Variants in MSI2 observed in about 807,000 individuals in gnomAD.
MSI2 encodes the protein musashi RNA binding protein 2.
MSI2 carries 17 observed loss-of-function variants against 45.6 expected under a neutral mutation model. That is an observed-to-expected ratio of 0.37 (90% CI 0.26 to 0.56). The LOEUF is 0.56. Ranked by LOEUF, MSI2 falls within the 20% of genes least tolerant of loss-of-function variation. MSI2 has a pLI of 0.77. For missense variants in MSI2, 293 were observed against 444.2 expected (o/e 0.66, Z 3.06); for synonymous variants, 156 against 158.2 (o/e 0.99, Z 0.11).
intron 5 of MSI2, among the ~76,000 whole-genome samples, chr17:57,319,896 G>A (rs868548513): frequency 5.8e-4 from 88 of 152,092 alleles, no homozygotes; most frequent in African/African-American, 2.9e-4. Context: ...TTATAGGCAC[G>A]AGCTACTGTG....
chr17:57,624,568 GCAGT>G (rs1908618875), intron 9 of MSI2, among the ~76,000 whole-genome samples: 1 of 152,162 alleles, frequency 6.6e-6, no homozygotes, highest in East Asian at 1.9e-4. Context: ...TCCTTAGCTA[GCAGT>G]CAGTGCAGAG....
At chr17:57,566,208 G>A (rs1197163103) in intron 7 of MSI2, among the ~76,000 whole-genome samples, 2 of 152,146 alleles carry the variant, frequency 1.3e-5, no homozygotes, top group African/African-American at 2.4e-5. Flanking sequence ...TTCTCAGGGA[G>A]CAAGACCCAT....
At chr17:57,483,298 T>C (rs1235410315) in intron 6 of MSI2, among the ~76,000 whole-genome samples, 1 of 152,198 alleles carries the variant, frequency 6.6e-6, no homozygotes, top group East Asian at 1.9e-4. Flanking sequence ...ATGCTAGTTG[T>C]TTGTACACAG....
At chr17:57,362,297 T>C (rs1472426746) in intron 5 of MSI2, among the ~76,000 whole-genome samples, 3 of 152,188 alleles carry the variant, frequency 2.0e-5, no homozygotes, top group African/African-American at 7.2e-5. Flanking sequence ...TGTTCGGTAA[T>C]AGTGTTGGAT....
At chr17:57,404,640 C>G (rs2143128138) in intron 6 of MSI2, among the ~76,000 whole-genome samples, 1 of 152,210 alleles carries the variant, frequency 6.6e-6, no homozygotes, top group East Asian at 1.9e-4. Flanking sequence ...CGTCATTCCT[C>G]TCTCCTCTCC....
At chr17:57,367,731 G>A (rs1917297276) in intron 5 of MSI2, among the ~76,000 whole-genome samples, 1 of 152,198 alleles carries the variant, frequency 6.6e-6, no homozygotes, top group African/African-American at 2.4e-5. Context: ...AATGTCATGA[G>A]TGCTCATCCC....
chr17:57,679,487 C>G, intron 13 of MSI2, 62 bp from the exon 14 acceptor site: 7 of 916,272 alleles, frequency 7.6e-6, no homozygotes, highest in Non-Finnish European at 8.0e-6. Context: ...ACTTCTTTCT[C>G]CTCCCCTCTC....
chr17:57,468,254 C>T (rs1046046077), intron 6 of MSI2, among the ~76,000 whole-genome samples: 1 of 151,250 alleles, frequency 6.6e-6, no homozygotes, highest in Non-Finnish European at 1.5e-5. Context: ...CGGCCCAGTA[C>T]GATGGCTCAC....
rs577502797 is a variant in MSI2, at chr17:57,575,853, G to A, written c.455-21015G>A. Among the ~76,000 whole-genome samples the A allele has an allele frequency of 2.0e-5, 3 of 149,362 alleles. No individual in the cohort carries two copies. The South Asian group carries it at 6.3e-4, about 31-fold the overall frequency. Reference sequence around the variant, plus strand: ...CCAGCTACTCGGGAGGCTGAGGCAGGAGAATGGCGTGAATCCAGGAGGCGG... The same window carrying A: ...CCAGCTACTCGGGAGGCTGAGGCAGAAGAATGGCGTGAATCCAGGAGGCGG... On this transcript the variant is annotated intron_variant, in intron 7 of 13. Coordinates refer to ENST00000284073, the MANE Select transcript of MSI2 (RefSeq NM_138962.4).
At chr17:57,452,143 G>A (rs79950885) in intron 6 of MSI2, among the ~76,000 whole-genome samples, 2,918 of 152,318 alleles carry the variant, frequency 0.019, 90 homozygotes, top group African/African-American at 0.066. Flanking sequence ...CATGGTAAGG[G>A]TTAACCAGTT....
At chr17:57,597,028 C>T (rs1905303777) in intron 8 of MSI2, 78 bp downstream of exon 8, 1 of 1,094,914 alleles carries the variant, frequency 9.1e-7, no homozygotes, top group Admixed American at 1.7e-5. Flanking sequence ...ACTGGTCCAG[C>T]CCATCATCAG....
At chr17:57,570,242 G>A (rs2087842363) in intron 7 of MSI2, among the ~76,000 whole-genome samples, 1 of 152,192 alleles carries the variant, frequency 6.6e-6, no homozygotes, top group Non-Finnish European at 1.5e-5. Flanking sequence ...CCCCACCTCA[G>A]ACCAAGTAAA....
chr17:57,412,905 C>G (rs1164430386), intron 6 of MSI2, among the ~76,000 whole-genome samples: 1 of 152,220 alleles, frequency 6.6e-6, no homozygotes, highest in Non-Finnish European at 1.5e-5. Context: ...TTCTTCCCAC[C>G]TCACTTTCTT....
rs201326801 is a variant in MSI2, at chr17:57,512,808, C to T, written c.406-16868C>T. ...AAGCCAGCCTTGCCACTAATTTTAA[C>T]TTCACTTAGCATCAACATCCTAACT... On this transcript the variant is annotated intron_variant, in intron 6 of 13. Transcript: ENST00000284073. Among the ~76,000 whole-genome samples, 4 of 152,210 alleles carry T rather than the reference C, an allele frequency of 2.6e-5. 1 individual carries two copies. The East Asian group carries it at 5.8e-4, about 22-fold the overall frequency.
chr17:57,449,641 G>T (rs2084959561), intron 6 of MSI2: 1 of 152,200 alleles, frequency 6.6e-6, no homozygotes, highest in African/African-American at 2.4e-5. Context: ...GAAAGGAAAA[G>T]AAAGTGTTTT....
chr17:57,450,322 A>AGAGAGAAAGAG (rs1567831014), intron 6 of MSI2: 1 of 148,418 alleles, frequency 6.7e-6, no homozygotes, highest in African/African-American at 2.5e-5. Context: ...AAAGAAAGAA[A>AGAGAGAAAGAG]ACCTTTGTTA....
chr17:57,479,211 G>A (rs1173960290), intron 6 of MSI2, among the ~76,000 whole-genome samples: 1 of 152,202 alleles, frequency 6.6e-6, no homozygotes, highest in Non-Finnish European at 1.5e-5. Flanking sequence ...AGGACACTCT[G>A]AGACCAGCCC....
rs116875773 is a variant in MSI2, at chr17:57,367,624, G to A, written c.313-33755G>A. Among the ~76,000 whole-genome samples the A allele has an allele frequency of 7.6e-3, 1,163 of 152,306 alleles. 5 individuals carry two copies. Among genetic ancestry groups the A allele is most frequent in the Non-Finnish European group, 0.014 (943 of 68,026 alleles). On this transcript the variant is annotated intron_variant, in intron 5 of 13. Coordinates refer to ENST00000284073, the MANE Select transcript of MSI2 (RefSeq NM_138962.4). ...CGAGCTCCTGGGCCCCTCCCTGGAG[G>A]CTTATTAAGGGGGATCAGTGGAAAG...
chr17:57,619,229 G>A (rs1173436820), intron 9 of MSI2, among the ~76,000 whole-genome samples: 7 of 152,196 alleles, frequency 4.6e-5, no homozygotes, highest in Non-Finnish European at 1.0e-4. Context: ...ATTTCATCAT[G>A]GGAACACAGG....
Sources: allele counts gnomAD v4.1 joint callset (sites outside exome capture counted in the v4.1 genomes callset), GRCh38; gene constraint gnomAD v4.1.1; transcripts MANE v1.5; gene names NCBI Gene and HGNC (gene_info 2026-07-23, HGNC 2026-07-21).